The following SPATA16 variants were observed in gnomAD, a reference collection of about 807,000 sequenced individuals.
The protein encoded by SPATA16 is spermatogenesis associated 16.
SPATA16 carries 36 observed loss-of-function variants against 63.3 expected under a neutral mutation model. That is an observed-to-expected ratio of 0.57 (90% CI 0.44 to 0.75). SPATA16 has a LOEUF of 0.75. Ranked by LOEUF, SPATA16 falls within the 30% of genes least tolerant of loss-of-function variation. SPATA16 has a pLI of 0.00. For missense variants in SPATA16, 646 were observed against 679.3 expected, an observed-to-expected ratio of 0.95 and a Z score of 0.54; for synonymous variants, 203 against 216.7, an observed-to-expected ratio of 0.94 and a Z score of 0.56.
intron 5 of SPATA16, among the ~76,000 whole-genome samples, chr3:172,966,789 T>C (rs530132132): frequency 2.1e-4 from 32 of 152,322 alleles, no homozygotes; most frequent in Middle Eastern, 6.8e-3. Flanking sequence ...AGCTTTGAGC[T>C]TTACAGATTA....
chr3:173,106,096 A>C (rs766265880), intron 2 of SPATA16, among the ~76,000 whole-genome samples: 2 of 152,156 alleles, frequency 1.3e-5, no homozygotes, highest in Non-Finnish European at 2.9e-5. Context: ...TATTTTCTCT[A>C]TATATACACT....
chr3:173,015,255 G>T (rs111479253), intron 4 of SPATA16, among the ~76,000 whole-genome samples: 2,953 of 152,050 alleles, frequency 0.019, 101 homozygotes, highest in African/African-American at 0.066. Context: ...GTAGAGACGG[G>T]GTTGCACCAT....
intron 2 of SPATA16, among the ~76,000 whole-genome samples, chr3:173,114,179 C>CAAA (rs34754459): frequency 2.9e-4 from 19 of 66,228 alleles, no homozygotes; most frequent in African/African-American, 4.9e-4. Flanking sequence ...GACTCCATCT[C>CAAA]AAAAAAAAAA....
chr3:172,934,089 A>G (rs560677745), intron 6 of SPATA16, among the ~76,000 whole-genome samples: 20 of 152,246 alleles, frequency 1.3e-4, no homozygotes, highest in Non-Finnish European at 2.6e-4. Context: ...AAAAATAATA[A>G]ATGTTTAACA....
intron 4 of SPATA16, among the ~76,000 whole-genome samples, chr3:173,017,879 T>A (rs1735228306): frequency 6.6e-6 from 1 of 152,196 alleles, no homozygotes; most frequent in African/African-American, 2.4e-5. Flanking sequence ...ACCTGTTTAT[T>A]TAAATGTGAA....
intron 4 of SPATA16, among the ~76,000 whole-genome samples, chr3:172,985,449 A>G (rs964231684): frequency 6.6e-6 from 1 of 152,218 alleles, no homozygotes; most frequent in Admixed American, 6.5e-5. Flanking sequence ...CATGATGCCG[A>G]TCTCTATGAG....
At chr3:173,118,742 T>C (rs916458378) in intron 1 of SPATA16, among the ~76,000 whole-genome samples, 2 of 152,192 alleles carry the variant, frequency 1.3e-5, no homozygotes, top group African/African-American at 4.8e-5. Flanking sequence ...AACCTACCCA[T>C]TCAGATTGCT....
At chr3:172,907,079 A>G (rs1732257482) in intron 10 of SPATA16, among the ~76,000 whole-genome samples, 1 of 152,180 alleles carries the variant, frequency 6.6e-6, no homozygotes, top group Admixed American at 6.5e-5. Flanking sequence ...TCGTTTGATG[A>G]TCTGACTTTC....
At chr3:173,008,279 GTTTAT>G (rs1309799503) in intron 4 of SPATA16, among the ~76,000 whole-genome samples, 2 of 152,026 alleles carry the variant, frequency 1.3e-5, no homozygotes, top group Non-Finnish European at 2.9e-5. Context: ...ACAAAAATTT[GTTTAT>G]TTTAACTCTT....
Position 172,889,386 on chromosome 3 carries a change from G to A in SPATA16, c.*184C>T. 1.2e-6 allele frequency: 1 copy of A among 824,718 alleles called. No individual in the cohort carries two copies. The highest frequency in any genetic ancestry group is 1.9e-6 in the Non-Finnish European group (1 of 517,834). The allele number at this position is 824,718 out of a possible 1,614,324, so 51.1% of individuals were successfully genotyped here. On this transcript the variant is annotated 3_prime_UTR_variant, in exon 11 of 11. Coordinates refer to ENST00000351008, the MANE Select transcript of SPATA16 (RefSeq NM_031955.6). ...GTCAAACTTGCTGAGAATATTTATT[G>A]CTGCCAGTTGAGATTAATGAAACAT...
intron 6 of SPATA16, among the ~76,000 whole-genome samples, chr3:172,942,044 G>T (rs1451427195): frequency 1.3e-5 from 2 of 151,996 alleles, no homozygotes; most frequent in Admixed American, 1.3e-4. Flanking sequence ...GGTTAGGAGG[G>T]GGGAAAAGCA....
At chr3:173,137,816 A>G (rs1738588159) in intron 1 of SPATA16, among the ~76,000 whole-genome samples, 1 of 112,630 alleles carries the variant, frequency 8.9e-6, no homozygotes, top group Non-Finnish European at 1.9e-5. Flanking sequence ...GATCCCATGG[A>G]CTCTCAACAC....
chr3:173,070,083 G>A (rs524476), intron 2 of SPATA16, among the ~76,000 whole-genome samples: 152,172 of 152,216 alleles, frequency 1, 76,064 homozygotes, highest in Middle Eastern at 1. Flanking sequence ...TTCCTCTAAG[G>A]CCTGAAACAT....
intron 5 of SPATA16, among the ~76,000 whole-genome samples, chr3:172,975,833 T>C (rs1734145891): frequency 6.6e-6 from 1 of 151,988 alleles, no homozygotes; most frequent in Admixed American, 6.6e-5. Context: ...TTGTGTATGA[T>C]AAACCTGACA....
chr3:173,132,384 A>C (rs1738409710), intron 1 of SPATA16, among the ~76,000 whole-genome samples: 1 of 152,206 alleles, frequency 6.6e-6, no homozygotes, highest in East Asian at 1.9e-4. Flanking sequence ...GAACACAGAG[A>C]ATGAAGCAAA....
intron 4 of SPATA16, among the ~76,000 whole-genome samples, chr3:173,011,773 A>T (rs1373611732): frequency 6.6e-6 from 1 of 152,206 alleles, no homozygotes; most frequent in Non-Finnish European, 1.5e-5. Context: ...AGTGTACAAA[A>T]ATCAGTAGCA....
At chr3:173,043,315 C>T (rs1735888199) in intron 3 of SPATA16, among the ~76,000 whole-genome samples, 1 of 151,754 alleles carries the variant, frequency 6.6e-6, no homozygotes, top group Non-Finnish European at 1.5e-5. Flanking sequence ...GGCTTTCTAG[C>T]TATAATTTTT....
At chr3:173,084,258 C>A (rs866394361) in intron 2 of SPATA16, among the ~76,000 whole-genome samples, 3 of 152,162 alleles carry the variant, frequency 2.0e-5, no homozygotes, top group Admixed American at 6.5e-5. Flanking sequence ...TTGCATTTCT[C>A]TAATGATCAG....
intron 10 of SPATA16, among the ~76,000 whole-genome samples, chr3:172,909,903 A>G (rs1732328455): frequency 1.3e-5 from 2 of 152,074 alleles, no homozygotes; most frequent in African/African-American, 4.8e-5. Flanking sequence ...AGTGAGATGA[A>G]ATTAGTTGTT....
Sources: allele counts gnomAD v4.1 joint callset (sites outside exome capture counted in the v4.1 genomes callset), GRCh38; gene constraint gnomAD v4.1.1; transcripts MANE v1.5; gene names NCBI Gene and HGNC (gene_info 2026-07-23, HGNC 2026-07-21).